The following CTDP1 variants were observed in gnomAD, a reference collection of about 807,000 sequenced individuals.
CTDP1 encodes CTD phosphatase 1.
A neutral mutation model predicts 91.8 loss-of-function variants in CTDP1; 47 were observed. The ratio of observed to expected loss-of-function variants is 0.51; its 90% CI spans 0.41 to 0.65. The LOEUF is 0.65. CTDP1 is among the 30% of genes least tolerant of loss of function. CTDP1 has a pLI of 0.00. For missense variants in CTDP1, 1,272 were observed against 1,373.7 expected, an observed-to-expected ratio of 0.93 and a Z score of 1.17; for synonymous variants, 656 against 598.5, an observed-to-expected ratio of 1.10 and a Z score of -1.40.
chr18:79,716,202 C>T (rs1246056553), intron 8 of CTDP1, among the ~76,000 whole-genome samples: 2 of 152,218 alleles, frequency 1.3e-5, no homozygotes, highest in South Asian at 2.1e-4. Flanking sequence ...CTCCTCCAAT[C>T]TGCTTCCTGT....
intron 12 of CTDP1, among the ~76,000 whole-genome samples, chr18:79,738,109 C>T (rs150801518): frequency 1.3e-5 from 2 of 148,428 alleles, no homozygotes; most frequent in Non-Finnish European, 1.5e-5. Flanking sequence ...TGGTGGAGTA[C>T]ATCTCCCAGA....
intron 11 of CTDP1, among the ~76,000 whole-genome samples, chr18:79,733,129 A>G (rs902576988): frequency 6.6e-6 from 1 of 152,052 alleles, no homozygotes; most frequent in Admixed American, 6.6e-5. Context: ...CACAGGACGA[A>G]TGTGTGTTGT....
chr18:79,729,915 A>G (rs538525016), intron 11 of CTDP1, among the ~76,000 whole-genome samples: 3 of 152,152 alleles, frequency 2.0e-5, no homozygotes, highest in Admixed American at 6.5e-5. Flanking sequence ...ACCAGAGCCT[A>G]TCCTCCCTGC....
At position 79,715,433 on chromosome 18, in the gene CTDP1, A is replaced by G; in HGVS notation, c.1973A>G (p.Tyr658Cys). Residue 658 changes from tyrosine (Y) to cysteine (C), a missense_variant, in exon 8 of 13, where the codon TAC becomes TGC. Transcript: ENST00000613122. Reference sequence around the variant, plus strand: ...CCGATAGAGAAGACGCGGGAGCATTACCACGCCACGGCGCTGGGAGCGAAG... The same window carrying G: ...CCGATAGAGAAGACGCGGGAGCATTGCCACGCCACGGCGCTGGGAGCGAAG... Reference protein sequence around the residue: ...NFPIEKTREHYHATALGAKIL... With the variant: ...NFPIEKTREHCHATALGAKIL... 1.3e-6 allele frequency: 2 copies of G among 1,596,452 alleles called. No homozygotes were observed. The highest frequency in any genetic ancestry group is 8.5e-7 in the Non-Finnish European group (1 of 1,171,576).
chr18:79,705,002 G>A lies in CTDP1; in HGVS notation c.772+85G>A. The A allele has an allele frequency of 3.2e-6, 5 of 1,584,236 alleles. No individual in the cohort carries two copies. In the South Asian group the frequency reaches 5.5e-5, roughly 18 times the overall value. The stretch of plus-strand genomic sequence containing the variant: ...TGATGGTTTCTTAAAGATGAAGAAA[G>A]AAAAGAAGCTCTCCTGCAACTCAGT... On this transcript the variant is annotated intron_variant, in intron 5 of 12. Coordinates refer to ENST00000613122, the MANE Select transcript of CTDP1 (RefSeq NM_004715.5).
At chr18:79,689,433 A>G (rs1194446013) in intron 1 of CTDP1, among the ~76,000 whole-genome samples, 2 of 152,218 alleles carry the variant, frequency 1.3e-5, no homozygotes, top group Non-Finnish European at 2.9e-5. Context: ...ATGATAGTCC[A>G]GTGGTGGTGT....
At position 79,679,964 on chromosome 18, in the gene CTDP1, C is replaced by A; in HGVS notation, c.17C>A (p.Ala6Glu). 7.2e-7 allele frequency: 1 copy of A among 1,380,232 alleles called. No individual in the cohort carries two copies. Among genetic ancestry groups the A allele is most frequent in the South Asian group, 1.5e-5 (1 of 67,416 alleles). 85.5% of individuals were successfully genotyped at this position (1,380,232 alleles called of 1,614,324 possible). A position where few individuals can be genotyped will look rare whatever the true frequency, so the allele number is the denominator to read the frequency against. ...CTGTCCGCGATGGAGGTGCCGGCCG[C>A]GGGTCGCGTTCCTGCCGAGGGCGCC... MEVPA[A>E]GRVPAEGAPT... Residue 6 changes from alanine to glutamate, a missense_variant, in exon 1 of 13, where the codon GCG (alanine) becomes GAG (glutamate). Physicochemically the swap from Ala to Glu is moderately radical, Grantham distance 107 (BLOSUM62 -1). This residue lies in a region of CTDP1 where 214 missense variants were observed against 179.1 expected (regional missense o/e 1.19). Coordinates refer to ENST00000613122, the MANE Select transcript of CTDP1 (RefSeq NM_004715.5).
At chr18:79,746,860 C>G (rs1315912182) in intron 12 of CTDP1, among the ~76,000 whole-genome samples, 2 of 152,150 alleles carry the variant, frequency 1.3e-5, no homozygotes, top group Non-Finnish European at 2.9e-5. Flanking sequence ...AAACTCCTGG[C>G]CTCCAGCGAT....
intron 10 of CTDP1, among the ~76,000 whole-genome samples, chr18:79,722,689 C>G (rs2086368355): frequency 1.3e-5 from 2 of 151,812 alleles, no homozygotes; most frequent in South Asian, 4.1e-4. Context: ...CTAAAATGAG[C>G]CTGGGTTCTG....
chr18:79,724,961 G>A (rs1422987010), intron 10 of CTDP1, among the ~76,000 whole-genome samples: 8 of 152,186 alleles, frequency 5.3e-5, no homozygotes, highest in South Asian at 2.1e-4. Context: ...TTTTCTGCCC[G>A]TAGATGCCCT....
intron 12 of CTDP1, among the ~76,000 whole-genome samples, chr18:79,750,668 C>CTTTTTTTTT (rs749153854): frequency 2.1e-5 from 2 of 94,230 alleles, no homozygotes; most frequent in Admixed American, 1.1e-4. Flanking sequence ...TAATTTTTTG[C>CTTTTTTTTT]TTTTTTTTTT....
chr18:79,698,471 AGGGGAAACAC>A (rs1435790467), intron 4 of CTDP1, among the ~76,000 whole-genome samples: 1 of 152,166 alleles, frequency 6.6e-6, no homozygotes, highest in Non-Finnish European at 1.5e-5. Context: ...TACATTCTCC[AGGGGAAACAC>A]GGGGAAATGC....
intron 7 of CTDP1, among the ~76,000 whole-genome samples, 176 bp from the exon 8 acceptor site, chr18:79,714,315 G>A (rs994983140): frequency 3.3e-5 from 5 of 152,188 alleles, no homozygotes; most frequent in African/African-American, 1.2e-4. Context: ...CTGGTCCCAC[G>A]CACTTCAGGT....
At position 79,704,756 on chromosome 18, in the gene CTDP1, A is replaced by G. The variant is rs902150820; in HGVS notation, c.622-11A>G. ...GCCTTTTCTCCCGACTGTTGCTACT[A>G]TTCTTTTTAGGGCATCTTTCACTTC... On this transcript the variant is annotated splice_polypyrimidine_tract_variant and intron_variant, in intron 4 of 12. Transcript: ENST00000613122. The G allele has an allele frequency of 2.2e-5, 35 of 1,613,130 alleles. No individual in the cohort carries two copies. Among genetic ancestry groups the G allele is most frequent in the East Asian group, 6.7e-5 (3 of 44,880 alleles).
chr18:79,728,132 C>T (rs1207935492), intron 10 of CTDP1, among the ~76,000 whole-genome samples: 2 of 152,016 alleles, frequency 1.3e-5, no homozygotes, highest in Admixed American at 6.6e-5. Context: ...TGGAGTCTTG[C>T]TCTGTTGCCC....
intron 1 of CTDP1, among the ~76,000 whole-genome samples, chr18:79,689,850 T>C (rs938587725): frequency 1.3e-5 from 2 of 152,204 alleles, no homozygotes; most frequent in African/African-American, 4.8e-5. Flanking sequence ...AATCTGTTAT[T>C]GTTATTATTT....
downstream of CTDP1, chr18:79,755,250 T>C (rs1036310059): frequency 6.6e-6 from 1 of 152,088 alleles, no homozygotes; most frequent in Non-Finnish European, 1.5e-5. Context: ...AACTAGGTTA[T>C]TTGCAGCGCC....
At position 79,694,468 on chromosome 18, in the gene CTDP1, C is replaced by T. The variant is rs186016953; in HGVS notation, c.315-757C>T. ...GGGGCTACAGGCACCTAGGGGTGGG[C>T]GCTGAGTGCTGGGCGGTCTCATGTC... is the stretch of plus-strand genomic sequence containing the variant. On this transcript the variant is annotated intron_variant, in intron 1 of 12. Coordinates refer to ENST00000613122, the MANE Select transcript of CTDP1 (RefSeq NM_004715.5). 5.9e-4 allele frequency among the ~76,000 whole-genome samples: 56 copies of T among 95,682 alleles called. 1 individual carries two copies. The highest frequency in any genetic ancestry group is 1.9e-3 in the African/African-American group (50 of 25,656). 62.8% of individuals were successfully genotyped at this position (95,682 alleles called of 152,430 possible).
At chr18:79,708,531 G>A (rs985910861) in intron 5 of CTDP1, among the ~76,000 whole-genome samples, 6 of 152,260 alleles carry the variant, frequency 3.9e-5, no homozygotes, top group Admixed American at 1.3e-4. Flanking sequence ...ATTCGGATCC[G>A]GAAGTGGACC....
Sources: gnomAD v4.1 joint callset for allele counts (sites outside exome capture counted in the v4.1 genomes callset) on GRCh38, gnomAD v4.1.1 for gene constraint, gnomAD v4.1.1 regional missense constraint, MANE v1.5 for transcripts, NCBI Gene and HGNC (gene_info 2026-07-23, HGNC 2026-07-21) for gene names.